The following PDGFA variants were observed in gnomAD, a reference collection of about 807,000 sequenced individuals.
The protein encoded by PDGFA is platelet derived growth factor subunit A.
Under a neutral mutation model 25.6 loss-of-function variants are expected in PDGFA, and 9 were observed. The ratio of observed to expected loss-of-function variants is 0.35; its 90% CI spans 0.21 to 0.61. The LOEUF is 0.61. Among genes scored for constraint, PDGFA ranks in the 20% least tolerant of loss-of-function variants. The pLI is 0.75. For missense variants in PDGFA, 242 were observed against 272.8 expected (o/e 0.89, Z 0.79); for synonymous variants, 133 against 111.8 (o/e 1.19, Z -1.20).
At chr7:514,003 T>TA (rs1489400068) in intron 2 of PDGFA, among the ~76,000 whole-genome samples, 28 of 152,218 alleles carry the variant, frequency 1.8e-4, no homozygotes, top group African/African-American at 6.3e-4. Context: ...AAGTGACACT[T>TA]ATGAATCACA....
chr7:502,489 A>G (rs918630313), intron 4 of PDGFA, among the ~76,000 whole-genome samples: 1 of 147,968 alleles, frequency 6.8e-6, no homozygotes, highest in African/African-American at 2.5e-5. Context: ...CTGGGCCATC[A>G]CCGAGGCTAC....
At chr7:509,920 C>T (rs1304012986) in intron 4 of PDGFA, among the ~76,000 whole-genome samples, 2 of 152,198 alleles carry the variant, frequency 1.3e-5, no homozygotes, top group Non-Finnish European at 2.9e-5. Context: ...AGTCTGCTGT[C>T]TGGCCTCGAG....
chr7:498,167 G>A (rs1253228574), exon 6 of PDGFA: 2 of 223,062 alleles, frequency 9.0e-6, no homozygotes, highest in African/African-American at 2.3e-5. Context: ...CTGCATCCTC[G>A]GCAAAAAAGC....
At chr7:511,703 C>T (rs1047051502) in intron 3 of PDGFA, among the ~76,000 whole-genome samples, 4 of 152,136 alleles carry the variant, frequency 2.6e-5, no homozygotes, top group Non-Finnish European at 5.9e-5. Flanking sequence ...TCAGGTGGGA[C>T]CCCCGAGGAC....
chr7:512,249 A>G (rs1174694646), intron 3 of PDGFA, 102 bp downstream of exon 3: 9 of 1,097,836 alleles, frequency 8.2e-6, no homozygotes, highest in Non-Finnish European at 1.0e-5. Flanking sequence ...GCGCTGGGAG[A>G]GCGGGCAGCT....
At chr7:501,783 C>A (rs1437501507) in intron 4 of PDGFA, among the ~76,000 whole-genome samples, 1 of 152,144 alleles carries the variant, frequency 6.6e-6, no homozygotes, top group Non-Finnish European at 1.5e-5. Context: ...CAAAGGTTCA[C>A]GTGTGCCTGG....
chr7:510,709 GA>G, intron 4 of PDGFA, 99 bp downstream of exon 4: 1 of 467,934 alleles, frequency 2.1e-6, no homozygotes, highest in Non-Finnish European at 3.7e-6. Flanking sequence ...CTTGGGTGGG[GA>G]GGGGAGGGGA....
At chr7:511,038 GACCACGGCCCC>G (rs1562489999) in intron 3 of PDGFA, 42 bp from the exon 4 acceptor site, 2 of 1,531,342 alleles carry the variant, frequency 1.3e-6, no homozygotes, top group Non-Finnish European at 1.8e-6. Flanking sequence ...CGGCCTCTGC[GACCACGGCCCC>G]ACCCCAGGGC....
rs995118117 is a variant in PDGFA at position 500,578 on chromosome 7, G to A, written c.580+538C>T. 104 of 1,607,920 alleles carry A rather than the reference G, an allele frequency of 6.5e-5. No homozygotes were observed. Among genetic ancestry groups the A allele is most frequent in the Non-Finnish European group, 8.1e-5 (95 of 1,178,040 alleles). ...AAGAACTGAAGCAACAAATACCTAC[G>A]GCATTTGTTTATCTTTCCAGAAGAG... On this transcript the variant is annotated intron_variant, in intron 5 of 5. Transcript: ENST00000402802. The surrounding 1 kb of genome is among the most constrained non-coding windows in gnomAD (Gnocchi z 5.0).
intron 4 of PDGFA, among the ~76,000 whole-genome samples, chr7:504,085 TGAG>T (rs1212055021): frequency 1.3e-5 from 2 of 151,952 alleles, no homozygotes; most frequent in African/African-American, 4.8e-5. Context: ...ACCCAGGAGT[TGAG>T]GAATAAATGA....
At chr7:512,275 C>A in intron 3 of PDGFA, 76 bp downstream of exon 3, 1 of 1,395,846 alleles carries the variant, frequency 7.2e-7, no homozygotes, top group East Asian at 2.4e-5. Flanking sequence ...CCACCCGGCC[C>A]TGCCCTGCCC....
chr7:497,976 A>AAAAAAAAAAT (rs1782163063), exon 6 of PDGFA: 1 of 136,742 alleles, frequency 7.3e-6, no homozygotes, highest in African/African-American at 2.7e-5. Context: ...AAAAAAAACA[A>AAAAAAAAAAT]AACAAAAACA....
At chr7:514,505 T>C (rs1275790052) in intron 2 of PDGFA, among the ~76,000 whole-genome samples, 3 of 151,998 alleles carry the variant, frequency 2.0e-5, no homozygotes, top group African/African-American at 7.2e-5. Context: ...CAAACACAGC[T>C]CTGAGCAGCC....
chr7:500,316 T>C lies in PDGFA; in HGVS notation c.580+800A>G. ...GCCCAGCAGACACCATCAAGGCCAA[T>C]CAGGGCCACATCCCCGCCGCACCCG... On this transcript the variant is annotated intron_variant, in intron 5 of 5. Transcript: ENST00000402802. The surrounding 1 kb of genome is among the most constrained non-coding windows in gnomAD (Gnocchi z 5.0). 3 of 1,153,756 alleles carry C rather than the reference T, an allele frequency of 2.6e-6. No homozygotes were observed. The highest frequency in any genetic ancestry group is 3.8e-6 in the Non-Finnish European group (3 of 788,558). The allele number at this position is 1,153,756 out of a possible 1,614,324, so 71.5% of individuals were successfully genotyped here. A position where few individuals can be genotyped will look rare whatever the true frequency, so the allele number is the denominator to read the frequency against.
chr7:498,455 CG>C (rs1353614960), exon 6 of PDGFA: 2 of 1,059,146 alleles, frequency 1.9e-6, no homozygotes, highest in African/African-American at 3.2e-5. Context: ...CAGTTTTTCA[CG>C]GAGGAGAACA....
chr7:517,382 G>T lies in PDGFA; in HGVS notation c.160+12C>A. ...GCCCTCCCCGCGCGCGGAGGGAAGGGGCGCGATTTACCTACGGAGTCTATC... is the reference window on the plus strand; with the variant it reads ...GCCCTCCCCGCGCGCGGAGGGAAGGTGCGCGATTTACCTACGGAGTCTATC... On this transcript the variant is annotated intron_variant, in intron 2 of 5. Coordinates refer to ENST00000402802, the Ensembl canonical transcript of PDGFA. This position sits in a 1 kb window ranked among gnomAD's most constrained non-coding sequence, Gnocchi z 7.4. 1 of 1,324,588 alleles carries T rather than the reference G, an allele frequency of 7.5e-7. No individual in the cohort carries two copies. The highest frequency in any genetic ancestry group is 9.9e-7 in the Non-Finnish European group (1 of 1,008,032). The allele number at this position is 1,324,588 out of a possible 1,614,324, so 82.1% of individuals were successfully genotyped here.
Position 500,294 on chromosome 7 carries a change from C to A in PDGFA, c.580+822G>T. On this transcript the variant is annotated intron_variant, in intron 5 of 5. Coordinates refer to ENST00000402802, the Ensembl canonical transcript of PDGFA. This position sits in a 1 kb window ranked among gnomAD's most constrained non-coding sequence, Gnocchi z 5.0. ...GACGGGGAGCAAGGAGACCCAAGCC[C>A]AGCAGACACCATCAAGGCCAATCAG... is the stretch of plus-strand genomic sequence containing the variant. 2.1e-6 allele frequency: 2 copies of A among 939,372 alleles called. No homozygotes were observed. Among genetic ancestry groups the A allele is most frequent in the African/African-American group, 1.6e-5 (1 of 61,426 alleles). The allele number at this position is 939,372 out of a possible 1,614,324, so 58.2% of individuals were successfully genotyped here. A position where few individuals can be genotyped will look rare whatever the true frequency, so the allele number is the denominator to read the frequency against.
In PDGFA at chr7:501,206, AT is replaced by A; in HGVS notation, c.489del (p.Lys163AsnfsTer2). Reference sequence around the variant, plus strand: ...TCTAACCTCACCTGGACTTCTTTTAATTTTGGCTTCTTCCTGACGTATTCCA... The same window carrying A: ...TCTAACCTCACCTGGACTTCTTTTAATTTGGCTTCTTCCTGACGTATTCCA... On this transcript the variant is annotated frameshift_variant, in exon 5 of 6. Transcript: ENST00000402802. LOFTEE classifies it high-confidence loss of function. 6.2e-7 allele frequency: 1 copy of A among 1,614,138 alleles called. No homozygotes were observed. Among genetic ancestry groups the A allele is most frequent in the Non-Finnish European group, 8.5e-7 (1 of 1,180,034 alleles).
At chr7:499,763 G>C (rs989181151) in intron 5 of PDGFA, among the ~76,000 whole-genome samples, 2 of 102,476 alleles carry the variant, frequency 2.0e-5, no homozygotes, top group Non-Finnish European at 3.9e-5. Context: ...CTGGAGCACA[G>C]ATGTGGTTTC....
Sources: gnomAD v4.1 joint callset for allele counts (sites outside exome capture counted in the v4.1 genomes callset) on GRCh38, gnomAD v4.1.1 for gene constraint, Gnocchi (gnomAD v3.1) non-coding constraint, MANE v1.5 for transcripts, NCBI Gene and HGNC (gene_info 2026-07-23, HGNC 2026-07-21) for gene names.